Variants in SCAMP2 observed in about 807,000 individuals in gnomAD.
SCAMP2 encodes the protein secretory carrier-associated membrane protein 2.
In SCAMP2, 25 loss-of-function variants were observed where a neutral mutation model predicts 44.1. The ratio of observed to expected loss-of-function variants is 0.57; its 90% CI spans 0.41 to 0.79. SCAMP2 has a LOEUF of 0.79. Ranked by LOEUF, SCAMP2 falls within the 30% of genes least tolerant of loss-of-function variation. SCAMP2 has a pLI of 0.00. For synonymous variants in SCAMP2, 156 were observed against 166.0 expected (o/e 0.94, Z 0.46); for missense variants, 355 against 411.0 (o/e 0.86, Z 1.18).
intron 1 of SCAMP2, among the ~76,000 whole-genome samples, chr15:74,858,477 C>T (rs776825834): frequency 6.6e-6 from 1 of 152,138 alleles, no homozygotes; most frequent in Admixed American, 6.6e-5. Flanking sequence ...AGCTACAATA[C>T]AGCTCCTCAT....
chr15:74,860,895 C>T (rs2064499143), intron 1 of SCAMP2, among the ~76,000 whole-genome samples: 1 of 151,370 alleles, frequency 6.6e-6, no homozygotes, highest in Admixed American at 6.6e-5. Flanking sequence ...TAAATTCTGG[C>T]CAGGCACGGT....
intron 7 of SCAMP2, among the ~76,000 whole-genome samples, chr15:74,845,926 G>A (rs1041974308): frequency 1.3e-5 from 2 of 152,234 alleles, no homozygotes; most frequent in South Asian, 2.1e-4. Context: ...GGGAGGCTGA[G>A]GCAGGAGGAT....
At chr15:74,855,096 CTTT>C (rs2064459970) in intron 1 of SCAMP2, among the ~76,000 whole-genome samples, 2 of 151,228 alleles carry the variant, frequency 1.3e-5, no homozygotes, top group African/African-American at 4.9e-5. Context: ...ATTTATTCCT[CTTT>C]TTTTATATTT....
At chr15:74,847,655 C>T (rs141129062) in intron 7 of SCAMP2, among the ~76,000 whole-genome samples, 2 of 152,330 alleles carry the variant, frequency 1.3e-5, no homozygotes, top group African/African-American at 2.4e-5. Flanking sequence ...AAAATAGCAC[C>T]GCCCTTCCAG....
At position 74,845,078 on chromosome 15, in the gene SCAMP2, G is replaced by A. The variant is rs1567247468; in HGVS notation, c.*5C>T. ...AAAGGCTGAGGGGGAGAGAAGAGAGGAGGACTAATTCCCCTGGAAGGCTCC... is the reference window on the plus strand; with the variant it reads ...AAAGGCTGAGGGGGAGAGAAGAGAGAAGGACTAATTCCCCTGGAAGGCTCC... On this transcript the variant is annotated 3_prime_UTR_variant, in exon 9 of 9. Transcript: ENST00000268099. 2.5e-6 allele frequency: 4 copies of A among 1,612,414 alleles called. No individual in the cohort carries two copies. The highest frequency in any genetic ancestry group is 2.5e-6 in the Non-Finnish European group (3 of 1,178,844).
intron 1 of SCAMP2, among the ~76,000 whole-genome samples, chr15:74,858,701 CG>C (rs1296741784): frequency 2.0e-5 from 3 of 151,418 alleles, no homozygotes; most frequent in Admixed American, 6.6e-5. Flanking sequence ...AAATTGAAGG[CG>C]CTCAGTGAAT....
rs144388245 is a variant in SCAMP2, at chr15:74,847,220, T to G, written c.734+1380A>C. Among the ~76,000 whole-genome samples the G allele has an allele frequency of 1.3e-3, 191 of 150,992 alleles. 1 individual carries two copies. The highest frequency in any genetic ancestry group is 4.4e-3 in the African/African-American group (181 of 41,236). ...GATTCTTCTGCCTCAGCCTCCCAAGTAGCTGGGATTATAGGCACCTACCAA... is the reference window on the plus strand; with the variant it reads ...GATTCTTCTGCCTCAGCCTCCCAAGGAGCTGGGATTATAGGCACCTACCAA... On this transcript the variant is annotated intron_variant, in intron 7 of 8. Transcript: ENST00000268099.
At chr15:74,848,069 CT>C (rs77348114) in intron 7 of SCAMP2, among the ~76,000 whole-genome samples, 587 of 140,038 alleles carry the variant, frequency 4.2e-3, no homozygotes, top group Admixed American at 5.5e-3. Context: ...AAGATAGTGT[CT>C]TTTTTTTTTT....
intron 1 of SCAMP2, among the ~76,000 whole-genome samples, chr15:74,857,313 A>G (rs1314757157): frequency 6.6e-6 from 1 of 152,244 alleles, no homozygotes; most frequent in African/African-American, 2.4e-5. Context: ...GGTGAAGTTC[A>G]GGAGGCTCTG....
At chr15:74,854,836 C>T (rs947609423) in intron 1 of SCAMP2, among the ~76,000 whole-genome samples, 187 bp from the exon 2 acceptor site, 2 of 152,198 alleles carry the variant, frequency 1.3e-5, no homozygotes, top group Admixed American at 6.5e-5. Flanking sequence ...CTCCCTTCCC[C>T]CTTCCTGGAA....
intron 3 of SCAMP2, 195 bp downstream of exon 3, chr15:74,853,826 T>G: frequency 3.4e-6 from 2 of 592,490 alleles, no homozygotes; most frequent in Non-Finnish European, 3.0e-6. Context: ...GTGGGTGGGA[T>G]GGAGGGAGTA....
At position 74,844,915 on chromosome 15, in the gene SCAMP2, G is replaced by A; in HGVS notation, c.*168C>T. ...TACATAGAGGGGGAAAAAATTCCCTGTCCCTCCCGTTCCAGGGAGAGCTGG... is the reference window on the plus strand; with the variant it reads ...TACATAGAGGGGGAAAAAATTCCCTATCCCTCCCGTTCCAGGGAGAGCTGG... On this transcript the variant is annotated 3_prime_UTR_variant, in exon 9 of 9. Transcript: ENST00000268099. The A allele has an allele frequency of 1.4e-6, 1 of 690,840 alleles. No individual in the cohort carries two copies. The allele number at this position is 690,840 out of a possible 1,614,324, so 42.8% of individuals were successfully genotyped here. A position where few individuals can be genotyped will look rare whatever the true frequency, so the allele number is the denominator to read the frequency against.
At chr15:74,850,489 C>A in intron 6 of SCAMP2, 25 bp downstream of exon 6, 1 of 1,611,182 alleles carries the variant, frequency 6.2e-7, no homozygotes, top group South Asian at 1.1e-5. Flanking sequence ...CATAAAGTCT[C>A]ACCCCTTGCC....
intron 3 of SCAMP2, chr15:74,853,662 G>A (rs1392838995): frequency 1.0e-5 from 4 of 382,112 alleles, no homozygotes; most frequent in Non-Finnish European, 2.0e-5. Context: ...AATTAATGAA[G>A]TTAAAAAAAA....
chr15:74,868,799 C>T (rs1246074108), intron 1 of SCAMP2, among the ~76,000 whole-genome samples: 3 of 152,194 alleles, frequency 2.0e-5, no homozygotes, highest in Non-Finnish European at 4.4e-5. Flanking sequence ...CTGCCTTGGC[C>T]TCCCAAATTG....
chr15:74,861,540 G>T (rs1365077801), intron 1 of SCAMP2, among the ~76,000 whole-genome samples: 1 of 152,144 alleles, frequency 6.6e-6, no homozygotes, highest in African/African-American at 2.4e-5. Flanking sequence ...GTTTTGGTAC[G>T]CATCCCCTTG....
intron 1 of SCAMP2, among the ~76,000 whole-genome samples, chr15:74,862,821 CAAA>C (rs71434242): frequency 3.8e-5 from 1 of 26,372 alleles, no homozygotes; most frequent in Non-Finnish European, 7.1e-5. Context: ...GACTCCATCT[CAAA>C]AAAAAAAAAA....
chr15:74,859,371 A>G (rs2064487865), intron 1 of SCAMP2, among the ~76,000 whole-genome samples: 1 of 152,142 alleles, frequency 6.6e-6, no homozygotes, highest in Admixed American at 6.5e-5. Context: ...CACCCCCTGA[A>G]GGGGTGCTGG....
chr15:74,845,718 G>A lies in SCAMP2; in HGVS notation c.735-125C>T, dbSNP rs578238115. 4.9e-6 allele frequency: 6 copies of A among 1,222,618 alleles called. No homozygotes were observed. In the South Asian group the frequency reaches 8.2e-5, roughly 17 times the overall value. 75.7% of individuals were successfully genotyped at this position (1,222,618 alleles called of 1,614,324 possible). A position where few individuals can be genotyped will look rare whatever the true frequency, so the allele number is the denominator to read the frequency against. On this transcript the variant is annotated intron_variant, in intron 7 of 8. Transcript: ENST00000268099. ...CACCTTGGCATCTCCCCACAGCACA[G>A]GGAGCCCTGTGAGCCAGAAGCCCTT...
Sources: allele counts gnomAD v4.1 joint callset (sites outside exome capture counted in the v4.1 genomes callset), GRCh38; gene constraint gnomAD v4.1.1; transcripts MANE v1.5; gene names NCBI Gene and HGNC (gene_info 2026-07-23, HGNC 2026-07-21).